Variants in SLIT1 observed in about 807,000 individuals in gnomAD.
SLIT1 encodes slit guidance ligand 1.
SLIT1 carries 66 observed loss-of-function variants against 186.1 expected under a neutral mutation model. The ratio of observed to expected loss-of-function variants is 0.35; its 90% confidence interval spans 0.29 to 0.44. The LOEUF (loss-of-function observed/expected upper bound fraction) is 0.44. Among genes scored for constraint, SLIT1 ranks in the 20% least tolerant of loss-of-function variants. The probability of loss-of-function intolerance (pLI) is 1.00; values close to 1 mark genes in which losing one functional copy is unlikely to be tolerated. For synonymous variants in SLIT1, 761 were observed against 833.8 expected, an observed-to-expected ratio of 0.91 and a Z score of 1.50; for missense variants, 1,638 against 2,037.4, an observed-to-expected ratio of 0.80 and a Z score of 3.77.
chr10:97,169,093 C>T (rs1850154832), intron 1 of SLIT1, among the ~76,000 whole-genome samples: 1 of 152,132 alleles, frequency 6.6e-6, no homozygotes, highest in South Asian at 2.1e-4. Flanking sequence ...CCACTCCACA[C>T]AAGACCTAAG....
At chr10:97,137,260 C>T (rs940183854) in intron 4 of SLIT1, among the ~76,000 whole-genome samples, 5 of 152,220 alleles carry the variant, frequency 3.3e-5, no homozygotes, top group Non-Finnish European at 7.3e-5. Context: ...GCACACTCCT[C>T]TCTTGCTAGA....
chr10:97,051,017 T>C (rs1243130488), intron 13 of SLIT1, among the ~76,000 whole-genome samples: 1 of 152,150 alleles, frequency 6.6e-6, no homozygotes, highest in East Asian at 1.9e-4. Context: ...ATAATCGTGT[T>C]AAAGGAACAC....
chr10:97,181,963 C>G (rs1850344361), intron 1 of SLIT1, among the ~76,000 whole-genome samples: 1 of 152,156 alleles, frequency 6.6e-6, no homozygotes, highest in Non-Finnish European at 1.5e-5. Flanking sequence ...AAGTCAAGGT[C>G]GTTGTGGAAG....
rs891510033 is a variant in SLIT1, at chr10:96,998,914, C to G, written c.*2198G>C. 1 of 152,350 alleles carries G rather than the reference C, an allele frequency of 6.6e-6. No homozygotes were observed. Among genetic ancestry groups the G allele is most frequent in the East Asian group, 1.9e-4 (1 of 5,184 alleles). The allele number at this position is 152,350 out of a possible 1,614,324, so 9.4% of individuals were successfully genotyped here. A position where few individuals can be genotyped will look rare whatever the true frequency, so the allele number is the denominator to read the frequency against. On this transcript the variant is annotated 3_prime_UTR_variant, in exon 37 of 37. Transcript: ENST00000266058. ...TTCCACCTCCTGCAGAATGAAGAGG[C>G]CTCCTGCCAGCCAGTGCCCTTCAAG...
At chr10:97,064,668 C>T (rs1160197964) in intron 6 of SLIT1, 137 bp downstream of exon 6, 1 of 657,276 alleles carries the variant, frequency 1.5e-6, no homozygotes, top group Non-Finnish European at 2.7e-6. Context: ...GCCTGTCCTC[C>T]CCTCCTCCGA....
intron 4 of SLIT1, among the ~76,000 whole-genome samples, chr10:97,146,094 G>A (rs1412579379): frequency 6.6e-6 from 1 of 152,208 alleles, no homozygotes; most frequent in African/African-American, 2.4e-5. Context: ...ATTAGCATCA[G>A]AGAGCCAGTG....
intron 8 of SLIT1, among the ~76,000 whole-genome samples, chr10:97,061,657 A>G (rs1055893619): frequency 5.3e-5 from 8 of 152,208 alleles, no homozygotes; most frequent in Admixed American, 5.2e-4. Context: ...GTAGTATTCC[A>G]TTATATGGAT....
chr10:97,066,096 T>G lies in SLIT1; in HGVS notation c.414-10A>C. On this transcript the variant is annotated splice_polypyrimidine_tract_variant and intron_variant, in intron 4 of 36. Transcript: ENST00000266058. ...GTTCTCACTCAAGTCCCTGGGAGGA[T>G]AAAGCCAGAGGGAGAGAAAACACCG... The G allele has an allele frequency of 6.3e-7, 1 of 1,595,040 alleles. No individual in the cohort carries two copies. Among genetic ancestry groups the G allele is most frequent in the Non-Finnish European group, 8.6e-7 (1 of 1,168,480 alleles).
At chr10:97,013,948 C>A in intron 29 of SLIT1, 71 bp downstream of exon 29, 1 of 1,588,238 alleles carries the variant, frequency 6.3e-7, no homozygotes, top group Non-Finnish European at 8.6e-7. Flanking sequence ...CCCTTCCACT[C>A]CCGAGCATGG....
At chr10:97,060,567 G>C in intron 9 of SLIT1, 73 bp downstream of exon 9, 1 of 1,585,024 alleles carries the variant, frequency 6.3e-7, no homozygotes, top group Non-Finnish European at 8.6e-7. Flanking sequence ...GCCTACTCCA[G>C]CTCTTCACTG....
chr10:97,118,255 G>A (rs531434641), intron 4 of SLIT1, among the ~76,000 whole-genome samples: 1 of 152,202 alleles, frequency 6.6e-6, no homozygotes, highest in Non-Finnish European at 1.5e-5. Context: ...GACACGAGCA[G>A]CCCGAGGTCA....
intron 3 of SLIT1, among the ~76,000 whole-genome samples, chr10:97,159,756 A>G (rs1850001849): frequency 6.6e-6 from 1 of 152,176 alleles, no homozygotes; most frequent in South Asian, 2.1e-4. Context: ...CGGGCGGGAA[A>G]GCGGAGCGTA....
At position 97,163,250 on chromosome 10, in the gene SLIT1, G is replaced by A. The variant is rs113865143; in HGVS notation, c.341+130C>T. The stretch of plus-strand genomic sequence containing the variant: ...GCTGCAGCTGCTCCTGGCTCCATCC[G>A]CTGGTGGAGGCAGGCTGGGCATGGG... On this transcript the variant is annotated intron_variant, in intron 3 of 36. Transcript: ENST00000266058. 1.0e-3 allele frequency: 766 copies of A among 745,802 alleles called. 2 individuals are homozygous for A. Among genetic ancestry groups the A allele is most frequent in the Middle Eastern group, 4.6e-3 (12 of 2,592 alleles). 46.2% of individuals were successfully genotyped at this position (745,802 alleles called of 1,614,324 possible).
chr10:97,000,549 G>A lies in SLIT1; in HGVS notation c.*563C>T, dbSNP rs529337845. 6.5e-6 allele frequency: 1 copy of A among 153,110 alleles called. No homozygotes were observed. The highest frequency in any genetic ancestry group is 1.9e-4 in the East Asian group (1 of 5,186). 9.5% of individuals were successfully genotyped at this position (153,110 alleles called of 1,614,324 possible). Reference sequence around the variant, plus strand: ...AGGGGGCAAGGGTCCGACCCTCCCTGGCCAGCAGGAGGCGGCACCCCCGCT... The same window carrying A: ...AGGGGGCAAGGGTCCGACCCTCCCTAGCCAGCAGGAGGCGGCACCCCCGCT... On this transcript the variant is annotated 3_prime_UTR_variant, in exon 37 of 37. Coordinates refer to ENST00000266058, the MANE Select transcript of SLIT1 (RefSeq NM_003061.3).
intron 1 of SLIT1, among the ~76,000 whole-genome samples, chr10:97,179,808 C>CA (rs1040931350): frequency 6.7e-5 from 10 of 149,992 alleles, no homozygotes; most frequent in East Asian, 2.0e-4. Context: ...CCTCCCCGCC[C>CA]CCCGGCACAG....
intron 4 of SLIT1, among the ~76,000 whole-genome samples, chr10:97,121,071 G>A (rs1849556443): frequency 6.6e-6 from 1 of 152,154 alleles, no homozygotes; most frequent in Non-Finnish European, 1.5e-5. Flanking sequence ...CAGGCTGACA[G>A]TTGGCACTAC....
At chr10:97,073,542 T>C (rs747859607) in intron 4 of SLIT1, among the ~76,000 whole-genome samples, 8 of 152,124 alleles carry the variant, frequency 5.3e-5, no homozygotes, top group African/African-American at 9.7e-5. Context: ...GAGGGCACCA[T>C]GACAGATCCC....
rs1012537956 is a variant in SLIT1 at position 97,043,614 on chromosome 10, C to T, written c.1854-101G>A. 7.0e-6 allele frequency: 8 copies of T among 1,150,670 alleles called. No individual in the cohort carries two copies. Among genetic ancestry groups the T allele is most frequent in the Non-Finnish European group, 1.0e-5 (8 of 802,054 alleles). The allele number at this position is 1,150,670 out of a possible 1,614,324, so 71.3% of individuals were successfully genotyped here. Reference sequence around the variant, plus strand: ...CCATCGTGGCTCGTTCACAGTTCTCCTCCATAGGCTGCGAGCCGCAGAGCC... The same window carrying T: ...CCATCGTGGCTCGTTCACAGTTCTCTTCCATAGGCTGCGAGCCGCAGAGCC... On this transcript the variant is annotated intron_variant, in intron 18 of 36. Transcript: ENST00000266058. The surrounding 1 kb of genome is among the most constrained non-coding windows in gnomAD (Gnocchi z 7.0).
chr10:97,037,396 C>T (rs1287193320), intron 22 of SLIT1, among the ~76,000 whole-genome samples: 3 of 152,080 alleles, frequency 2.0e-5, no homozygotes, highest in East Asian at 1.9e-4. Context: ...CCACCGTGCC[C>T]GCCCGACCAG....
Sources: allele counts gnomAD v4.1 joint callset (sites outside exome capture counted in the v4.1 genomes callset), GRCh38; gene constraint gnomAD v4.1.1; non-coding constraint Gnocchi (gnomAD v3.1); transcripts MANE v1.5; gene names NCBI Gene and HGNC (gene_info 2026-07-23, HGNC 2026-07-21).